Variants in BRSK2 observed in about 807,000 individuals in gnomAD.
BRSK2 encodes BR serine/threonine kinase 2.
In BRSK2, 19 loss-of-function variants were observed where a neutral mutation model predicts 83.3. That is an observed-to-expected ratio of 0.23 (90% confidence interval 0.16 to 0.33). BRSK2 has a LOEUF of 0.33. BRSK2 is among the 10% of genes least tolerant of loss of function. BRSK2 has a pLI of 1.00. For missense variants in BRSK2, 798 were observed against 1,042.3 expected, an observed-to-expected ratio of 0.77 and a Z score of 3.23; for synonymous variants, 519 against 435.4, an observed-to-expected ratio of 1.19 and a Z score of -2.39.
chr11:1,403,357 G>A (rs574114736), intron 1 of BRSK2, among the ~76,000 whole-genome samples: 3 of 152,306 alleles, frequency 2.0e-5, no homozygotes, highest in South Asian at 4.1e-4. Flanking sequence ...CTGGCTCACC[G>A]GTCACTGTGG....
rs941949160 is a variant in BRSK2 at position 1,446,674 on chromosome 11, C to T, written c.1226+767C>T. On this transcript the variant is annotated intron_variant, in intron 12 of 19. Coordinates refer to ENST00000528841, the MANE Select transcript of BRSK2 (RefSeq NM_001256627.2). ...CTCTGGAGCCTCTGCTGGGTGGGGG[C>T]AGGGCTGGGCTGCCCGCACGAGGCC... 3.3e-5 allele frequency among the ~76,000 whole-genome samples: 5 copies of T among 152,228 alleles called. No individual in the cohort carries two copies. The South Asian group carries it at 1.0e-3, about 31-fold the overall frequency.
intron 9 of BRSK2, 78 bp from the exon 10 acceptor site, chr11:1,445,216 G>A: frequency 6.5e-7 from 1 of 1,527,214 alleles, no homozygotes; most frequent in Non-Finnish European, 8.8e-7. Context: ...GGCCCCAGGT[G>A]AGGGCGGGCG....
intron 1 of BRSK2, among the ~76,000 whole-genome samples, chr11:1,406,590 G>A (rs977068570): frequency 2.6e-5 from 4 of 152,220 alleles, no homozygotes; most frequent in African/African-American, 9.6e-5. Context: ...GAGGGCGGGG[G>A]CCCAAACCCC....
chr11:1,395,227 C>T (rs546289892), intron 1 of BRSK2, among the ~76,000 whole-genome samples: 109 of 152,204 alleles, frequency 7.2e-4, no homozygotes, highest in Middle Eastern at 3.4e-3. Context: ...CTGCCCTGCA[C>T]GGGGTTTCTA....
intron 18 of BRSK2, 80 bp from the exon 19 acceptor site, chr11:1,459,112 G>A (rs932415566): frequency 3.1e-5 from 39 of 1,276,140 alleles, no homozygotes; most frequent in Middle Eastern, 2.0e-4. Context: ...CCTCCCCATC[G>A]AGGCTGTGGG....
chr11:1,414,109 A>T (rs552961290), intron 1 of BRSK2, among the ~76,000 whole-genome samples: 3 of 152,266 alleles, frequency 2.0e-5, no homozygotes, highest in Non-Finnish European at 4.4e-5. Context: ...GCCTTCAAAC[A>T]TAAAGATATT....
intron 1 of BRSK2, among the ~76,000 whole-genome samples, chr11:1,428,638 ACTTT>A (rs1313696050): frequency 6.6e-6 from 1 of 151,942 alleles, no homozygotes; most frequent in African/African-American, 2.4e-5. Flanking sequence ...TTCAGTCCCC[ACTTT>A]CTTTCCTTTT....
At position 1,440,804 on chromosome 11, in the gene BRSK2, C is replaced by T; in HGVS notation, c.289C>T (p.His97Tyr). 6.3e-7 allele frequency: 1 copy of T among 1,579,986 alleles called. No individual in the cohort carries two copies. Among genetic ancestry groups the T allele is most frequent in the Non-Finnish European group, 8.6e-7 (1 of 1,162,552 alleles). ...CTCCTGCAGGTACCTGGTGCTAGAACACGTGTCAGGTGGTGAGCTCTTCGA... is the reference window on the plus strand; with the variant it reads ...CTCCTGCAGGTACCTGGTGCTAGAATACGTGTCAGGTGGTGAGCTCTTCGA... ...NKKYLYLVLE[H>Y]VSGGELFDYL... is the part of the protein sequence containing the mutation. Residue 97 changes from histidine (H) to tyrosine (Y), a missense_variant, in exon 4 of 20, where the codon CAC (histidine) becomes TAC (tyrosine). This residue lies in a region of BRSK2 where 109 missense variants were observed against 259.2 expected (regional missense o/e 0.42). Coordinates refer to ENST00000528841, the MANE Select transcript of BRSK2 (RefSeq NM_001256627.2).
intron 3 of BRSK2, among the ~76,000 whole-genome samples, chr11:1,439,745 C>CCTGCCCTGAGGGCTTCACACCTTCCT (rs1564844402): frequency 1.5e-4 from 23 of 151,872 alleles, no homozygotes; most frequent in African/African-American, 2.4e-4. Context: ...ACCACCTTCC[C>CCTGCCCTGAGGGCTTCACACCTTCCT]CTGCCCTGAG....
At chr11:1,451,487 C>T (rs1192960473) in intron 15 of BRSK2, 68 bp downstream of exon 15, 3 of 1,542,368 alleles carry the variant, frequency 1.9e-6, no homozygotes, top group Non-Finnish European at 2.7e-6. Context: ...GGCATGGAAC[C>T]CTTCCCCTAT....
At chr11:1,455,077 C>A (rs915304878) in intron 16 of BRSK2, among the ~76,000 whole-genome samples, 2 of 152,170 alleles carry the variant, frequency 1.3e-5, no homozygotes, top group African/African-American at 4.8e-5. Context: ...ACCCTGCCCT[C>A]GGAGGCCGGG....
intron 10 of BRSK2, 50 bp downstream of exon 10, chr11:1,445,508 G>A (rs777469998): frequency 6.4e-5 from 102 of 1,605,534 alleles, no homozygotes; most frequent in Non-Finnish European, 7.9e-5. Flanking sequence ...AGGTGGGAGC[G>A]CTGCCCCGGA....
intron 12 of BRSK2, among the ~76,000 whole-genome samples, chr11:1,448,120 G>A (rs899538406): frequency 1.3e-5 from 2 of 152,208 alleles, no homozygotes. Context: ...GCTAGAGCCC[G>A]GCGTGGCTGC....
At chr11:1,416,873 T>C (rs7102167) in intron 1 of BRSK2, among the ~76,000 whole-genome samples, 107,383 of 152,002 alleles carry the variant, frequency 0.71, 38,481 homozygotes, top group Non-Finnish European at 0.76. Context: ...AAAATGTGGC[T>C]TCTTCAGCCA....
In BRSK2 at chr11:1,459,368, C is replaced by T; in HGVS notation, c.1987+129C>T. On this transcript the variant is annotated intron_variant, in intron 19 of 19. Coordinates refer to ENST00000528841, the MANE Select transcript of BRSK2 (RefSeq NM_001256627.2). ...TGTGTAGATGTAGGCACCCAGCAGC[C>T]CAGATGTCCCCGGCCCCATCCTCTA... 8 of 1,005,900 alleles carry T rather than the reference C, an allele frequency of 8.0e-6. No individual in the cohort carries two copies. The South Asian group carries it at 1.1e-4, about 14-fold the overall frequency. 62.3% of individuals were successfully genotyped at this position (1,005,900 alleles called of 1,614,324 possible). A position where few individuals can be genotyped will look rare whatever the true frequency, so the allele number is the denominator to read the frequency against.
chr11:1,442,273 G>A (rs1851446684), intron 4 of BRSK2, among the ~76,000 whole-genome samples: 1 of 152,090 alleles, frequency 6.6e-6, no homozygotes, highest in Non-Finnish European at 1.5e-5. Context: ...GGGCATGGCA[G>A]GAGAAACAGG....
intron 19 of BRSK2, 39 bp from the exon 20 acceptor site, chr11:1,460,461 C>CTTTTTTTTTTTTTTTTTTTTTTTT: frequency 1.8e-6 from 1 of 541,916 alleles, no homozygotes; most frequent in Non-Finnish European, 2.3e-6. Context: ...TTCTTTTTTC[C>CTTTTTTTTTTTTTTTTTTTTTTTT]TTTTTTTTTT....
chr11:1,459,570 G>A lies in BRSK2; in HGVS notation c.1987+331G>A, dbSNP rs889148956. On this transcript the variant is annotated intron_variant, in intron 19 of 19. Transcript: ENST00000528841. ...CAGGCTGTGGCCTAGGGGAGGGGCC[G>A]GTGCCCATCCCTCTGTCCACTGGAG... 25 of 367,666 alleles carry A rather than the reference G, an allele frequency of 6.8e-5. 1 individual carries two copies. The highest frequency in any genetic ancestry group is 2.7e-4 in the Admixed American group (7 of 25,566). 22.8% of individuals were successfully genotyped at this position (367,666 alleles called of 1,614,324 possible).
In BRSK2 at chr11:1,441,942, C is replaced by G. The variant is rs187844476; in HGVS notation, c.414-548C>G. Among the ~76,000 whole-genome samples, 317 of 51,372 alleles carry G rather than the reference C, an allele frequency of 6.2e-3. 8 individuals carry two copies. Among genetic ancestry groups the G allele is most frequent in the African/African-American group, 0.022 (234 of 10,604 alleles). 33.7% of individuals were successfully genotyped at this position (51,372 alleles called of 152,430 possible). A position where few individuals can be genotyped will look rare whatever the true frequency, so the allele number is the denominator to read the frequency against. ...ATCATCCCCTCCTCATTAGCTGCCC[C>G]TCAAGTGCACCGTCCCCCCCATTAG... On this transcript the variant is annotated intron_variant, in intron 4 of 19. Coordinates refer to ENST00000528841, the MANE Select transcript of BRSK2 (RefSeq NM_001256627.2).
Sources: gnomAD v4.1 joint callset for allele counts (sites outside exome capture counted in the v4.1 genomes callset) on GRCh38, gnomAD v4.1.1 for gene constraint, gnomAD v4.1.1 regional missense constraint, MANE v1.5 for transcripts, NCBI Gene and HGNC (gene_info 2026-07-23, HGNC 2026-07-21) for gene names.